MYBPC2: variants seen among roughly 807,000 people sequenced by gnomAD.
MYBPC2 encodes myosin-binding protein C, fast-type.
A neutral mutation model predicts 137.0 loss-of-function variants in MYBPC2; 122 were observed. The ratio of observed to expected loss-of-function variants is 0.89; its 90% CI spans 0.77 to 1.03. The LOEUF (loss-of-function observed/expected upper bound fraction) is 1.03, where lower values mean the gene tolerates loss of function less well. Among genes scored for constraint, MYBPC2 ranks in the 50% least tolerant of loss-of-function variants. The probability of loss-of-function intolerance (pLI) is 0.00; values close to 1 mark genes in which losing one functional copy is unlikely to be tolerated. For missense variants in MYBPC2, 1,500 were observed against 1,534.4 expected, an observed-to-expected ratio of 0.98 and a Z score of 0.37; for synonymous variants, 626 against 612.3, an observed-to-expected ratio of 1.02 and a Z score of -0.33.
chr19:50,464,632 G>A (rs2039999223), intron 27 of MYBPC2, 100 bp downstream of exon 27: 6 of 1,298,436 alleles, frequency 4.6e-6, no homozygotes, highest in South Asian at 3.1e-5. Flanking sequence ...ATCTGGAGAC[G>A]AGTGAGACCA....
At position 50,446,160 on chromosome 19, in the gene MYBPC2, C is replaced by T. The variant is rs1028522787; in HGVS notation, c.1306+108C>T. 296 of 1,292,108 alleles carry T rather than the reference C, an allele frequency of 2.3e-4. 1 individual carries two copies. Among genetic ancestry groups the T allele is most frequent in the Non-Finnish European group, 2.8e-4 (268 of 945,710 alleles). The allele number at this position is 1,292,108 out of a possible 1,614,324, so 80.0% of individuals were successfully genotyped here. A position where few individuals can be genotyped will look rare whatever the true frequency, so the allele number is the denominator to read the frequency against. On this transcript the variant is annotated intron_variant, in intron 12 of 27. Transcript: ENST00000357701. ...GAAGTTGTTCCTGACTCCTCTCTTT[C>T]CCACACACCCTATGTTCAGCCCACC...
rs748434138 is a variant in MYBPC2, at chr19:50,459,210, G to C, written c.2695G>C (p.Val899Leu). 1.9e-6 allele frequency: 3 copies of C among 1,610,744 alleles called. No homozygotes were observed. The highest frequency in any genetic ancestry group is 2.7e-5 in the African/African-American group (2 of 74,790). ...RTSDFDTVFF[V>L]RQAARSDSGE... The stretch of plus-strand genomic sequence containing the variant: ...CAGCGACTTCGACACCGTGTTCTTC[G>C]TGCGCCAGGCGGCCCGCTCCGACTC... The change falls in exon 23 of 28, where the codon GTG becomes CTG. Residue 899 changes from valine to leucine, a missense_variant. Val to Leu is a conservative substitution (Grantham distance 32). Coordinates refer to ENST00000357701, the MANE Select transcript of MYBPC2 (RefSeq NM_004533.4).
At chr19:50,433,668 G>A (rs1345215924) in intron 1 of MYBPC2, among the ~76,000 whole-genome samples, 3 of 132,650 alleles carry the variant, frequency 2.3e-5, no homozygotes, top group Non-Finnish European at 4.8e-5. Context: ...GTGCTGGGAT[G>A]ACAGGCATGA....
At position 50,435,010 on chromosome 19, in the gene MYBPC2, C is replaced by T. The variant is rs1247019588; in HGVS notation, c.20-151C>T. Reference sequence around the variant, plus strand: ...GTCTGAGGGAGGAGGGGCTGGGGGCCTGGACTCCTGGGTCTGAGGGAGGAG... The same window carrying T: ...GTCTGAGGGAGGAGGGGCTGGGGGCTTGGACTCCTGGGTCTGAGGGAGGAG... On this transcript the variant is annotated intron_variant, in intron 1 of 27. Transcript: ENST00000357701. This position sits in a 1 kb window ranked among gnomAD's most constrained non-coding sequence, Gnocchi z 4.8. 3.4e-6 allele frequency: 2 copies of T among 594,724 alleles called. No individual in the cohort carries two copies. Among genetic ancestry groups the T allele is most frequent in the Non-Finnish European group, 5.9e-6 (2 of 337,032 alleles). The allele number at this position is 594,724 out of a possible 1,614,324, so 36.8% of individuals were successfully genotyped here. A position where few individuals can be genotyped will look rare whatever the true frequency, so the allele number is the denominator to read the frequency against.
At chr19:50,455,695 A>G in intron 20 of MYBPC2, 51 bp downstream of exon 20, 1 of 1,601,374 alleles carries the variant, frequency 6.2e-7, no homozygotes. Context: ...ACAGGTGGGT[A>G]TCCAGTCCAG....
At position 50,433,412 on chromosome 19, in the gene MYBPC2, G is replaced by GT. The variant is rs10673735; in HGVS notation, c.19+450dup. Among the ~76,000 whole-genome samples, 131 of 144,510 alleles carry GT rather than the reference G, an allele frequency of 9.1e-4. 1 individual carries two copies. Among genetic ancestry groups the GT allele is most frequent in the South Asian group, 8.9e-3 (41 of 4,624 alleles). 94.8% of individuals were successfully genotyped at this position (144,510 alleles called of 152,430 possible). A position where few individuals can be genotyped will look rare whatever the true frequency, so the allele number is the denominator to read the frequency against. ...GTTTGTTTTTGTTTTTTGGTTTTTG[G>GT]TTTTTTTTTTGAGATGGAGTCTCGC... On this transcript the variant is annotated intron_variant, in intron 1 of 27. Coordinates refer to ENST00000357701, the MANE Select transcript of MYBPC2 (RefSeq NM_004533.4).
At chr19:50,441,628 T>C (rs556440479) in intron 8 of MYBPC2, among the ~76,000 whole-genome samples, 2 of 152,174 alleles carry the variant, frequency 1.3e-5, no homozygotes, top group South Asian at 4.2e-4. Context: ...TCACCTGACG[T>C]CAGGAGTTCG....
chr19:50,451,189 A>G (rs1601290546), intron 14 of MYBPC2, 91 bp from the exon 15 acceptor site: 1 of 1,496,610 alleles, frequency 6.7e-7, no homozygotes, highest in East Asian at 2.3e-5. Context: ...GGAGACTGCC[A>G]GACCCTGTCA....
At chr19:50,463,565 C>G (rs1312780426) in intron 26 of MYBPC2, among the ~76,000 whole-genome samples, 1 of 152,154 alleles carries the variant, frequency 6.6e-6, no homozygotes, top group Non-Finnish European at 1.5e-5. Flanking sequence ...CTTTCAATGA[C>G]CTGGGTGATT....
rs565591467 is a variant in MYBPC2, at chr19:50,465,012, G to A, written c.3415+480G>A. 1.3e-5 allele frequency among the ~76,000 whole-genome samples: 2 copies of A among 151,800 alleles called. No individual in the cohort carries two copies. The highest frequency in any genetic ancestry group is 2.4e-5 in the African/African-American group (1 of 41,368). ...TCGGTCCCACAGCTCCAGCCCCAGC[G>A]AAAGCTACATCCTCTTCCTCCCATA... On this transcript the variant is annotated intron_variant, in intron 27 of 27. Transcript: ENST00000357701. The surrounding 1 kb of genome is among the most constrained non-coding windows in gnomAD (Gnocchi z 4.5).
chr19:50,441,697 G>A lies in MYBPC2; in HGVS notation c.770-484G>A, dbSNP rs1213754494. Among the ~76,000 whole-genome samples, 8 of 151,874 alleles carry A rather than the reference G, an allele frequency of 5.3e-5. No individual in the cohort carries two copies. The East Asian group carries it at 9.6e-4, about 18-fold the overall frequency. On this transcript the variant is annotated intron_variant, in intron 8 of 27. Coordinates refer to ENST00000357701, the MANE Select transcript of MYBPC2 (RefSeq NM_004533.4). The stretch of plus-strand genomic sequence containing the variant: ...TCTACTAAAAATACAAAAGTCAGCC[G>A]GGCATGGTGGTGTGCACCTGTAATC...
At chr19:50,462,250 G>A (rs1162689173) in intron 26 of MYBPC2, among the ~76,000 whole-genome samples, 3 of 151,308 alleles carry the variant, frequency 2.0e-5, no homozygotes, top group African/African-American at 4.9e-5. Flanking sequence ...GCAGTGGCAC[G>A]ATCACAGCTC....
chr19:50,440,832 T>TC, intron 7 of MYBPC2, 48 bp from the exon 8 acceptor site: 1 of 1,553,802 alleles, frequency 6.4e-7, no homozygotes, highest in Non-Finnish European at 8.7e-7. Flanking sequence ...AGGGACATCC[T>TC]CCCTTCCTCA....
At position 50,461,892 on chromosome 19, in the gene MYBPC2, C is replaced by T; in HGVS notation, c.3092-8C>T. The T allele has an allele frequency of 1.3e-6, 2 of 1,594,032 alleles. No individual in the cohort carries two copies. The highest frequency in any genetic ancestry group is 1.7e-6 in the Non-Finnish European group (2 of 1,169,836). ...CAGTCGCCTTACGGGTGCATCCTCT[C>T]TCCCCAGGAATCACCTTCAAACCGT... is the stretch of plus-strand genomic sequence containing the variant. On this transcript the variant is annotated splice_polypyrimidine_tract_variant and splice_region_variant and intron_variant, in intron 25 of 27. Coordinates refer to ENST00000357701, the MANE Select transcript of MYBPC2 (RefSeq NM_004533.4).
Position 50,466,286 on chromosome 19 carries a change from G to A in MYBPC2, c.*81G>A, listed in dbSNP as rs2040015909. On this transcript the variant is annotated 3_prime_UTR_variant, in exon 28 of 28. Transcript: ENST00000357701. The surrounding 1 kb of genome is among the most constrained non-coding windows in gnomAD (Gnocchi z 4.9). Reference sequence around the variant, plus strand: ...AACCTCCCAGGACTGTGTTCTTTCTGGAGTTTTCGCTGAGAACAAAACAGT... The same window carrying A: ...AACCTCCCAGGACTGTGTTCTTTCTAGAGTTTTCGCTGAGAACAAAACAGT... The A allele has an allele frequency of 2.5e-6, 4 of 1,592,538 alleles. No individual in the cohort carries two copies. The Admixed American group carries it at 6.7e-5, about 27-fold the overall frequency.
chr19:50,444,851 A>G (rs899768319), intron 11 of MYBPC2, among the ~76,000 whole-genome samples: 8 of 144,710 alleles, frequency 5.5e-5, no homozygotes, highest in Non-Finnish European at 1.1e-4. Context: ...CTGCACTCCA[A>G]CCTGGGAGAC....
In MYBPC2 at chr19:50,459,225, C is replaced by T. The variant is rs774207984; in HGVS notation, c.2710C>T (p.Arg904Cys). 3.7e-6 allele frequency: 6 copies of T among 1,611,146 alleles called. No individual in the cohort carries two copies. The highest frequency in any genetic ancestry group is 2.2e-5 in the East Asian group (1 of 44,720). Residue 904 changes from arginine (R) to cysteine (C), a missense_variant, in exon 23 of 28, where the codon CGC (arginine) becomes TGC (cysteine). Transcript: ENST00000357701. ...CGTGTTCTTCGTGCGCCAGGCGGCC[C>T]GCTCCGACTCCGGGGAGTACGAGCT... ...DTVFFVRQAA[R>C]SDSGEYELSV... is the part of the protein sequence containing the mutation.
At position 50,452,619 on chromosome 19, in the gene MYBPC2, G is replaced by A. The variant is rs139581134; in HGVS notation, c.1749+616G>A. On this transcript the variant is annotated intron_variant, in intron 16 of 27. Coordinates refer to ENST00000357701, the MANE Select transcript of MYBPC2 (RefSeq NM_004533.4). ...GTCACCCAGGCTGGAGTGCAGTGGCGTAGTCTTGGCTCACGGAAACCTCCA... is the reference window on the plus strand; with the variant it reads ...GTCACCCAGGCTGGAGTGCAGTGGCATAGTCTTGGCTCACGGAAACCTCCA... 9.2e-3 allele frequency among the ~76,000 whole-genome samples: 1,393 copies of A among 152,036 alleles called. 9 individuals are homozygous for A. The highest frequency in any genetic ancestry group is 0.014 in the Non-Finnish European group (974 of 67,966).
At chr19:50,462,972 G>A (rs73054462) in intron 26 of MYBPC2, among the ~76,000 whole-genome samples, 6,254 of 152,278 alleles carry the variant, frequency 0.041, 188 homozygotes, top group Middle Eastern at 0.068. Flanking sequence ...AAAAAGAAAC[G>A]TTGGGAGCAG....
Sources: allele counts gnomAD v4.1 joint callset (sites outside exome capture counted in the v4.1 genomes callset), GRCh38; gene constraint gnomAD v4.1.1; non-coding constraint Gnocchi (gnomAD v3.1); transcripts MANE v1.5; gene names NCBI Gene and HGNC (gene_info 2026-07-23, HGNC 2026-07-21).